PDE1A: variants seen among roughly 807,000 people sequenced by gnomAD.
PDE1A encodes phosphodiesterase 1A.
Under a neutral mutation model 61.7 loss-of-function variants are expected in PDE1A, and 35 were observed. The observed-to-expected ratio is 0.57, with a 90% confidence interval of 0.43 to 0.75. PDE1A has a LOEUF of 0.75. PDE1A is among the 30% of genes least tolerant of loss of function. The pLI, the probability that PDE1A is intolerant of heterozygous loss-of-function variation, is 0.00. For synonymous variants in PDE1A, 232 were observed against 213.2 expected (o/e 1.09, Z -0.77); for missense variants, 597 against 630.6 (o/e 0.95, Z 0.57).
At chr2:182,507,341 T>C (rs558289064) in intron 2 of PDE1A, among the ~76,000 whole-genome samples, 1 of 152,290 alleles carries the variant, frequency 6.6e-6, no homozygotes, top group South Asian at 2.1e-4. Flanking sequence ...ACATTTATTG[T>C]TTTCTCACAA....
chr2:182,628,789 C>G, the PDE1A span, among the ~76,000 whole-genome samples: 5 of 151,928 alleles, frequency 3.3e-5, no homozygotes, highest in African/African-American at 9.7e-5. Context: ...TTTGCTTGGC[C>G]ATCTGTAACA....
At chr2:182,306,399 T>C (rs1011816202) in intron 1 of PDE1A, among the ~76,000 whole-genome samples, 1 of 152,012 alleles carries the variant, frequency 6.6e-6, no homozygotes, top group African/African-American at 2.4e-5. Context: ...AGTTTTTGAG[T>C]AATCTCCATA....
At chr2:182,670,704 C>T in the PDE1A span, among the ~76,000 whole-genome samples, 1 of 152,160 alleles carries the variant, frequency 6.6e-6, no homozygotes, top group East Asian at 1.9e-4. Context: ...AAACCAATCA[C>T]CTACCAATGT....
chr2:182,550,989 C>T, the PDE1A span, among the ~76,000 whole-genome samples: 849 of 151,064 alleles, frequency 5.6e-3, 11 homozygotes, highest in African/African-American at 0.019. Flanking sequence ...TACCAGTGTA[C>T]CCAGGAAAAA....
intron 1 of PDE1A, among the ~76,000 whole-genome samples, chr2:182,299,391 G>A (rs1219745419): frequency 6.7e-6 from 1 of 149,816 alleles, no homozygotes; most frequent in Non-Finnish European, 1.5e-5. Context: ...ATTATGGTAG[G>A]AAAGACCGAG....
intron 1 of PDE1A, among the ~76,000 whole-genome samples, chr2:182,398,074 A>G (rs1476321540): frequency 1.3e-5 from 2 of 152,012 alleles, no homozygotes; most frequent in African/African-American, 2.4e-5. Context: ...AAGAAATGAA[A>G]GACATCACTG....
the PDE1A span, among the ~76,000 whole-genome samples, chr2:182,697,181 A>T: frequency 6.6e-6 from 1 of 152,124 alleles, no homozygotes; most frequent in East Asian, 1.9e-4. Flanking sequence ...TAAAATACAA[A>T]TGTACTTGGG....
At chr2:182,494,539 C>T (rs1688591907) in intron 2 of PDE1A, among the ~76,000 whole-genome samples, 1 of 151,084 alleles carries the variant, frequency 6.6e-6, no homozygotes, top group South Asian at 2.1e-4. Flanking sequence ...GGTTTTCTTC[C>T]CATTGTCCCT....
the PDE1A span, among the ~76,000 whole-genome samples, chr2:182,688,959 A>G: frequency 6.6e-5 from 10 of 152,362 alleles, no homozygotes; most frequent in African/African-American, 2.2e-4. Flanking sequence ...AAAGGGATCA[A>G]TTCAACAAGA....
At chr2:182,604,305 A>G in the PDE1A span, among the ~76,000 whole-genome samples, 1 of 152,230 alleles carries the variant, frequency 6.6e-6, no homozygotes. Context: ...CAGCACTTTA[A>G]GCCATTCCTA....
chr2:182,206,169 A>T, intron 7 of PDE1A, 104 bp from the exon 8 acceptor site: 1 of 774,768 alleles, frequency 1.3e-6, no homozygotes, highest in Non-Finnish European at 2.0e-6. Context: ...AAAACATCCT[A>T]TAATTGAACA....
At chr2:182,321,127 T>C (rs1296745773) in intron 1 of PDE1A, among the ~76,000 whole-genome samples, 5 of 152,200 alleles carry the variant, frequency 3.3e-5, no homozygotes, top group South Asian at 4.1e-4. Flanking sequence ...TTAAAGCAGA[T>C]AGATGTTTTG....
chr2:182,620,327 T>C, the PDE1A span, among the ~76,000 whole-genome samples: 375 of 152,348 alleles, frequency 2.5e-3, 1 homozygote, highest in African/African-American at 8.5e-3. Flanking sequence ...AATCTTTGTT[T>C]ATTGCTTTCA....
At chr2:182,151,191 G>A (rs1337733482) in intron 13 of PDE1A, among the ~76,000 whole-genome samples, 5 of 152,158 alleles carry the variant, frequency 3.3e-5, no homozygotes, top group East Asian at 1.9e-4. Context: ...GGGTTCAAGC[G>A]ATTCTCCTGC....
chr2:182,706,322 T>C, the PDE1A span, among the ~76,000 whole-genome samples: 3,399 of 152,310 alleles, frequency 0.022, 72 homozygotes, highest in East Asian at 0.081. Flanking sequence ...AAGTTGAAAT[T>C]TGAAATTTTT....
intron 1 of PDE1A, among the ~76,000 whole-genome samples, chr2:182,378,729 C>T (rs748626636): frequency 3.1e-4 from 47 of 152,294 alleles, no homozygotes; most frequent in Non-Finnish European, 6.5e-4. Flanking sequence ...TAAAATGCTA[C>T]CATATATGAC....
the PDE1A span, among the ~76,000 whole-genome samples, chr2:182,553,132 A>G: frequency 7.5e-4 from 115 of 152,344 alleles, 1 homozygote; most frequent in East Asian, 1.2e-3. Context: ...ACGGCTTCTA[A>G]TAGAGCTATA....
the PDE1A span, among the ~76,000 whole-genome samples, chr2:182,603,340 T>TTTTTTG: frequency 6.6e-5 from 10 of 152,222 alleles, no homozygotes; most frequent in African/African-American, 1.7e-4. Flanking sequence ...AAGTTTTTTG[T>TTTTTTG]TTTTTGTTTT....
chr2:182,189,075 G>A lies in PDE1A; in HGVS notation c.1126-15C>T, dbSNP rs1266607582. The A allele has an allele frequency of 2.5e-6, 4 of 1,586,490 alleles. No individual in the cohort carries two copies. Among genetic ancestry groups the A allele is most frequent in the Non-Finnish European group, 1.7e-6 (2 of 1,156,156 alleles). On this transcript the variant is annotated splice_polypyrimidine_tract_variant and intron_variant, in intron 10 of 13. Transcript: ENST00000351439. ...TCTTTATCTCCCTGGAGAAAGAAAA[G>A]CACATTAATATAGACTTGGGTTGGA...
Sources: allele counts gnomAD v4.1 joint callset (sites outside exome capture counted in the v4.1 genomes callset), GRCh38; gene constraint gnomAD v4.1.1; transcripts MANE v1.5; gene names NCBI Gene and HGNC (gene_info 2026-07-23, HGNC 2026-07-21).